Variants in RASSF8 observed in about 807,000 individuals in gnomAD.
RASSF8 encodes Ras association domain family member 8.
A neutral mutation model predicts 48.5 loss-of-function variants in RASSF8; 22 were observed. That is an observed-to-expected ratio of 0.45 (90% CI 0.32 to 0.65). The LOEUF (loss-of-function observed/expected upper bound fraction) is 0.65. Among genes scored for constraint, RASSF8 ranks in the 30% least tolerant of loss-of-function variants. RASSF8 has a pLI of 0.03. For synonymous variants in RASSF8, 127 were observed against 171.5 expected, an observed-to-expected ratio of 0.74 and a Z score of 2.03; for missense variants, 418 against 489.2, an observed-to-expected ratio of 0.85 and a Z score of 1.37.
chr12:25,960,526 C>T (rs111873884), intron 1 of RASSF8, among the ~76,000 whole-genome samples: 1 of 152,122 alleles, frequency 6.6e-6, no homozygotes, highest in Admixed American at 6.5e-5. Context: ...GCACACTCCC[C>T]AAACCATAAA....
At chr12:26,065,795 C>T (rs960810066) in intron 4 of RASSF8, among the ~76,000 whole-genome samples, 4 of 152,194 alleles carry the variant, frequency 2.6e-5, no homozygotes, top group Non-Finnish European at 5.9e-5. Context: ...AGCTTCTTTC[C>T]TGACACATAA....
At chr12:26,038,608 A>AACACACACACACACACACAC (rs57536643) in intron 2 of RASSF8, among the ~76,000 whole-genome samples, 101 of 144,958 alleles carry the variant, frequency 7.0e-4, no homozygotes, top group Middle Eastern at 3.5e-3. Flanking sequence ...TTCTTATTAA[A>AACACACACACACACACACAC]ACACACACAC....
At chr12:25,964,772 A>T (rs1188942604) in intron 1 of RASSF8, among the ~76,000 whole-genome samples, 1 of 152,178 alleles carries the variant, frequency 6.6e-6, no homozygotes, top group Non-Finnish European at 1.5e-5. Context: ...TACCAGTGAG[A>T]AATAGGGATG....
chr12:26,027,041 A>T (rs532151547), intron 2 of RASSF8, among the ~76,000 whole-genome samples: 1 of 152,336 alleles, frequency 6.6e-6, no homozygotes, highest in Non-Finnish European at 1.5e-5. Flanking sequence ...ATGAAATATT[A>T]TTTGGCAATA....
rs997603593 is a variant in RASSF8 at position 26,046,684 on chromosome 12, G to A, written c.-108-8552G>A. On this transcript the variant is annotated intron_variant, in intron 2 of 5. Coordinates refer to ENST00000689635, the MANE Select transcript of RASSF8 (RefSeq NM_001394098.1). Reference sequence around the variant, plus strand: ...GACCCCATCTCTTTAAAAAAAAATAGTATTTATATAAAACAGTCAACATTG... The same window carrying A: ...GACCCCATCTCTTTAAAAAAAAATAATATTTATATAAAACAGTCAACATTG... Among the ~76,000 whole-genome samples the A allele has an allele frequency of 4.6e-5, 7 of 151,816 alleles. 1 individual carries two copies. The South Asian group carries it at 1.5e-3, about 32-fold the overall frequency.
downstream of RASSF8, among the ~76,000 whole-genome samples, chr12:26,073,756 C>CT (rs1944041413): frequency 3.3e-5 from 4 of 119,712 alleles, no homozygotes; most frequent in East Asian, 2.7e-4. Flanking sequence ...TATACACACA[C>CT]ACACACACAC....
At chr12:26,045,572 GA>G in intron 2 of RASSF8, among the ~76,000 whole-genome samples, 1 of 152,212 alleles carries the variant, frequency 6.6e-6, no homozygotes, top group Non-Finnish European at 1.5e-5. Flanking sequence ...TTGGCTCTTT[GA>G]AGCCACCACT....
intron 1 of RASSF8, among the ~76,000 whole-genome samples, chr12:25,987,600 G>A (rs1409343603): frequency 1.3e-5 from 2 of 151,970 alleles, no homozygotes; most frequent in Non-Finnish European, 2.9e-5. Flanking sequence ...GCTTTTCTTT[G>A]CACTGAAATA....
At chr12:26,029,494 T>C (rs1233104979) in intron 2 of RASSF8, among the ~76,000 whole-genome samples, 2 of 152,242 alleles carry the variant, frequency 1.3e-5, no homozygotes, top group Non-Finnish European at 2.9e-5. Flanking sequence ...CATATGTTTA[T>C]GTTTTGTCAC....
chr12:26,042,687 T>C (rs1233187203), intron 2 of RASSF8, among the ~76,000 whole-genome samples: 1 of 152,224 alleles, frequency 6.6e-6, no homozygotes, highest in East Asian at 1.9e-4. Context: ...ATGATTTACT[T>C]GAGCATTTGC....
chr12:26,072,000 A>G lies in RASSF8; in HGVS notation c.*3182A>G, dbSNP rs1944009258. 1.0e-6 allele frequency: 1 copy of G among 985,432 alleles called. No individual in the cohort carries two copies. 61.0% of individuals were successfully genotyped at this position (985,432 alleles called of 1,614,324 possible). A position where few individuals can be genotyped will look rare whatever the true frequency, so the allele number is the denominator to read the frequency against. ...TTCATTTGAAGCCATTTCTGTAAAC[A>G]TCTTCCAAGATAGAACTGTAATGGA... On this transcript the variant is annotated 3_prime_UTR_variant, in exon 6 of 6. Coordinates refer to ENST00000689635, the MANE Select transcript of RASSF8 (RefSeq NM_001394098.1).
At chr12:26,059,840 T>C (rs1257318392) in intron 3 of RASSF8, among the ~76,000 whole-genome samples, 1 of 152,220 alleles carries the variant, frequency 6.6e-6, no homozygotes, top group Non-Finnish European at 1.5e-5. Context: ...TGTTTTCTAC[T>C]TATTTTGGTT....
intron 1 of RASSF8, among the ~76,000 whole-genome samples, chr12:25,992,170 C>T (rs973567275): frequency 6.6e-6 from 1 of 152,168 alleles, no homozygotes; most frequent in African/African-American, 2.4e-5. Context: ...CTGTAAAACC[C>T]TCTGAATTCA....
Position 26,064,564 on chromosome 12 carries a change from A to C in RASSF8, c.170A>C (p.Glu57Ala). 1 of 1,613,362 alleles carries C rather than the reference A, an allele frequency of 6.2e-7. No homozygotes were observed. Residue 57 changes from glutamate to alanine, a missense_variant, in exon 4 of 6, where the codon GAA becomes GCA. Coordinates refer to ENST00000689635, the MANE Select transcript of RASSF8 (RefSeq NM_001394098.1). ...RDTERHLAPHENPIISLNKWG... is the reference protein window; with the variant it reads ...RDTERHLAPHANPIISLNKWG... ...ACTGAAAGACACTTAGCACCTCATG[A>C]AAATCCTATCATATCCTTAAACAAA...
intron 2 of RASSF8, among the ~76,000 whole-genome samples, chr12:26,044,279 A>G (rs1351697002): frequency 3.9e-5 from 6 of 152,188 alleles, no homozygotes; most frequent in Non-Finnish European, 8.8e-5. Flanking sequence ...CTCTGCCAGG[A>G]TGACTGCTTG....
intron 2 of RASSF8, among the ~76,000 whole-genome samples, chr12:26,003,494 C>G (rs9804876): frequency 0.19 from 28,888 of 152,086 alleles, 2,840 homozygotes; most frequent in East Asian, 0.24. Flanking sequence ...GACTATTATG[C>G]AGCCAATAAA....
intron 2 of RASSF8, among the ~76,000 whole-genome samples, chr12:26,032,793 A>G (rs1193946675): frequency 6.6e-6 from 1 of 152,172 alleles, no homozygotes; most frequent in Non-Finnish European, 1.5e-5. Flanking sequence ...GATGTTTGAA[A>G]TGTCTGGAGT....
Position 26,055,314 on chromosome 12 carries a change from C to T in RASSF8, c.-30C>T. 6.3e-7 allele frequency: 1 copy of T among 1,576,046 alleles called. No homozygotes were observed. Among genetic ancestry groups the T allele is most frequent in the Non-Finnish European group, 8.7e-7 (1 of 1,145,378 alleles). ...GACCTAACACCCTGATGACCACTCTCAGGGACCTTGAGTGACTGGCCGGTG... is the reference window on the plus strand; with the variant it reads ...GACCTAACACCCTGATGACCACTCTTAGGGACCTTGAGTGACTGGCCGGTG... On this transcript the variant is annotated 5_prime_UTR_variant, in exon 3 of 6. Transcript: ENST00000689635.
At chr12:26,028,105 G>T (rs1001615466) in intron 2 of RASSF8, among the ~76,000 whole-genome samples, 1 of 152,176 alleles carries the variant, frequency 6.6e-6, no homozygotes, top group Non-Finnish European at 1.5e-5. Flanking sequence ...TAGTTGATTT[G>T]GGAATAATGT....
Sources: gnomAD v4.1 joint callset for allele counts (sites outside exome capture counted in the v4.1 genomes callset) on GRCh38, gnomAD v4.1.1 for gene constraint, MANE v1.5 for transcripts, NCBI Gene and HGNC (gene_info 2026-07-23, HGNC 2026-07-21) for gene names.